SEL1L2: variants seen among roughly 807,000 people sequenced by gnomAD.
SEL1L2 encodes SEL1L2 adaptor subunit of SYVN1 ubiquitin ligase, also known as protein sel-1 homolog 2.
Under a neutral mutation model 98.8 loss-of-function variants are expected in SEL1L2, and 89 were observed. The ratio of observed to expected loss-of-function variants is 0.90; its 90% CI spans 0.76 to 1.07. The LOEUF is 1.07. SEL1L2 is among the 50% of genes least tolerant of loss of function. The probability of loss-of-function intolerance (pLI) is 0.00; values close to 1 mark genes in which losing one functional copy is unlikely to be tolerated. For missense variants in SEL1L2, 788 were observed against 812.0 expected, an observed-to-expected ratio of 0.97 and a Z score of 0.36; for synonymous variants, 262 against 278.5, an observed-to-expected ratio of 0.94 and a Z score of 0.59.
chr20:13,851,114 G>C (rs1459038619), intron 18 of SEL1L2, among the ~76,000 whole-genome samples: 1 of 152,076 alleles, frequency 6.6e-6, no homozygotes, highest in African/African-American at 2.4e-5. Flanking sequence ...GTGCATGCCT[G>C]TAATCCCAGT....
intron 2 of SEL1L2, among the ~76,000 whole-genome samples, chr20:13,955,427 G>A (rs775729613): frequency 7.9e-5 from 12 of 151,940 alleles, no homozygotes; most frequent in Non-Finnish European, 1.5e-4. Context: ...ACGAAAGGGG[G>A]GCACATGCCT....
rs150936136 is a variant in SEL1L2, at chr20:13,980,405, A to T, written c.58+10072T>A. The stretch of plus-strand genomic sequence containing the variant: ...TTATTTTTAGTAGAGATAGGGTTTC[A>T]CCATGTTGGCCAGGCTGGTCTCAAA... On this transcript the variant is annotated intron_variant, in intron 1 of 19. Coordinates refer to ENST00000284951, the MANE Select transcript of SEL1L2 (RefSeq NM_025229.2). Among the ~76,000 whole-genome samples, 220 of 152,224 alleles carry T rather than the reference A, an allele frequency of 1.4e-3. 2 individuals carry two copies. The highest frequency in any genetic ancestry group is 5.0e-3 in the African/African-American group (209 of 41,532).
intron 2 of SEL1L2, among the ~76,000 whole-genome samples, chr20:13,954,387 G>A (rs1011574966): frequency 5.3e-5 from 8 of 152,022 alleles, no homozygotes; most frequent in African/African-American, 1.2e-4. Context: ...ATGCATATAT[G>A]GGCACTTTGC....
intron 2 of SEL1L2, among the ~76,000 whole-genome samples, chr20:13,939,724 T>C (rs1441744795): frequency 2.0e-5 from 3 of 146,758 alleles, no homozygotes; most frequent in East Asian, 4.1e-4. Context: ...TGGAGAGCAA[T>C]GGCATGGTCT....
chr20:13,935,659 A>G (rs1841565855), intron 2 of SEL1L2, among the ~76,000 whole-genome samples: 1 of 152,122 alleles, frequency 6.6e-6, no homozygotes, highest in Non-Finnish European at 1.5e-5. Flanking sequence ...AATGAGGCAG[A>G]GAGGCAGCGC....
At chr20:13,861,975 C>T (rs1990213307) in intron 17 of SEL1L2, among the ~76,000 whole-genome samples, 1 of 152,176 alleles carries the variant, frequency 6.6e-6, no homozygotes, top group South Asian at 2.1e-4. Flanking sequence ...TACCTCATCT[C>T]CATGTTTTAT....
At chr20:13,981,634 A>T (rs539488520) in intron 1 of SEL1L2, among the ~76,000 whole-genome samples, 1 of 152,346 alleles carries the variant, frequency 6.6e-6, no homozygotes, top group South Asian at 2.1e-4. Flanking sequence ...AGATATGAAG[A>T]TGTGAAAAAG....
Position 13,906,194 on chromosome 20 carries a change from G to T in SEL1L2, c.549+7588C>A, listed in dbSNP as rs116397708. 7.2e-3 allele frequency among the ~76,000 whole-genome samples: 1,093 copies of T among 152,146 alleles called. 20 individuals carry two copies. The highest frequency in any genetic ancestry group is 0.031 in the Middle Eastern group (9 of 294). Reference sequence around the variant, plus strand: ...CCCAGCCCCTGTAAGACATATTTCTGAACTTAACCATTATGCTGTGTTTTT... The same window carrying T: ...CCCAGCCCCTGTAAGACATATTTCTTAACTTAACCATTATGCTGTGTTTTT... On this transcript the variant is annotated intron_variant, in intron 5 of 19. Coordinates refer to ENST00000284951, the MANE Select transcript of SEL1L2 (RefSeq NM_025229.2).
At chr20:13,992,834 A>G (rs1411910926), upstream of SEL1L2, among the ~76,000 whole-genome samples, 2 of 152,012 alleles carry the variant, frequency 1.3e-5, no homozygotes, top group African/African-American at 4.8e-5. Context: ...TATAGCAGGG[A>G]AAGGGGGTGG....
At chr20:13,932,336 T>C (rs2049180477) in intron 2 of SEL1L2, among the ~76,000 whole-genome samples, 2 of 151,972 alleles carry the variant, frequency 1.3e-5, no homozygotes, top group Admixed American at 1.3e-4. Context: ...TTTATGGAAG[T>C]AAATATTCAT....
intron 2 of SEL1L2, among the ~76,000 whole-genome samples, chr20:13,950,902 G>A (rs2050229358): frequency 6.6e-6 from 1 of 152,156 alleles, no homozygotes; most frequent in Non-Finnish European, 1.5e-5. Flanking sequence ...GTCATCAGGA[G>A]ACAACTAGGT....
intron 1 of SEL1L2, among the ~76,000 whole-genome samples, chr20:13,981,185 T>C (rs2263677): frequency 0.22 from 33,287 of 151,890 alleles, 4,206 homozygotes; most frequent in African/African-American, 0.36. Flanking sequence ...GAGGTTGCAG[T>C]GAGCCGAGAT....
chr20:13,928,710 G>C (rs1600789616), intron 3 of SEL1L2, among the ~76,000 whole-genome samples: 1 of 152,132 alleles, frequency 6.6e-6, no homozygotes, highest in Non-Finnish European at 1.5e-5. Context: ...GGAGAGAATA[G>C]CTAATGAATT....
chr20:13,868,515 C>T (rs995341676), intron 14 of SEL1L2, among the ~76,000 whole-genome samples: 1 of 152,092 alleles, frequency 6.6e-6, no homozygotes, highest in African/African-American at 2.4e-5. Context: ...CCGTTCATGC[C>T]GTTGGCATGC....
chr20:13,849,916 A>G (rs1987945614), intron 19 of SEL1L2: 2 of 551,258 alleles, frequency 3.6e-6, no homozygotes, highest in South Asian at 4.2e-5. Flanking sequence ...GAAGAAGTAT[A>G]TATAGCACAT....
intron 6 of SEL1L2, 130 bp downstream of exon 6, chr20:13,888,329 C>G (rs757748737): frequency 4.0e-4 from 277 of 688,536 alleles, no homozygotes; most frequent in Non-Finnish European, 5.6e-4. Context: ...CACTAAATTT[C>G]TTTGACTATT....
intron 5 of SEL1L2, among the ~76,000 whole-genome samples, chr20:13,911,145 A>G (rs1008245577): frequency 1.3e-5 from 2 of 152,240 alleles, no homozygotes. Flanking sequence ...CTCTTCTGTG[A>G]CTAAAGCACT....
rs962464350 is a variant in SEL1L2, at chr20:13,969,954, T to C, written c.59-13823A>G. On this transcript the variant is annotated intron_variant, in intron 1 of 19. Transcript: ENST00000284951. ...GGAAGTGGTACTCCCTTGTCACTTA[T>C]GTTAGCACCCACTCATATATTGAAT... Among the ~76,000 whole-genome samples, 7 of 152,268 alleles carry C rather than the reference T, an allele frequency of 4.6e-5. No homozygotes were observed. In the South Asian group the frequency reaches 1.2e-3, roughly 27 times the overall value.
At chr20:13,908,755 C>T (rs1029320626) in intron 5 of SEL1L2, among the ~76,000 whole-genome samples, 1 of 152,142 alleles carries the variant, frequency 6.6e-6, no homozygotes, top group Admixed American at 6.5e-5. Context: ...TTAATGGACT[C>T]TGTTTATAAC....
Sources: allele counts gnomAD v4.1 joint callset (sites outside exome capture counted in the v4.1 genomes callset), GRCh38; gene constraint gnomAD v4.1.1; transcripts MANE v1.5; gene names NCBI Gene and HGNC (gene_info 2026-07-23, HGNC 2026-07-21).